MED13: variants seen among roughly 807,000 people sequenced by gnomAD.
MED13 encodes mediator of RNA polymerase II transcription subunit 13.
In MED13, 23 loss-of-function variants were observed where a neutral mutation model predicts 225.2. The observed-to-expected ratio is 0.10, with a 90% CI of 0.07 to 0.14. The LOEUF is 0.14. Ranked by LOEUF, MED13 falls within the 10% of genes least tolerant of loss-of-function variation. The probability of loss-of-function intolerance (pLI) is 1.00; values close to 1 mark genes in which losing one functional copy is unlikely to be tolerated. For missense variants in MED13, 2,197 were observed against 2,594.5 expected (o/e 0.85, Z 3.33); for synonymous variants, 942 against 889.2 (o/e 1.06, Z -1.06).
chr17:61,992,829 C>T (rs1177049579), intron 10 of MED13, among the ~76,000 whole-genome samples: 1 of 140,374 alleles, frequency 7.1e-6, no homozygotes, highest in Non-Finnish European at 1.5e-5. Flanking sequence ...AGTACAGTGG[C>T]ACGATCTCGG....
chr17:61,953,763 G>A (rs2079916725), intron 26 of MED13, among the ~76,000 whole-genome samples: 1 of 152,182 alleles, frequency 6.6e-6, no homozygotes, highest in Non-Finnish European at 1.5e-5. Context: ...AGCAGCAATA[G>A]GAAACTAATA....
At chr17:62,003,049 TG>T (rs1412732883) in intron 9 of MED13, among the ~76,000 whole-genome samples, 10 of 152,150 alleles carry the variant, frequency 6.6e-5, no homozygotes, top group Non-Finnish European at 1.3e-4. Context: ...CATTGGCAAA[TG>T]TTACCTGGGG....
At position 61,945,438 on chromosome 17, in the gene MED13, T is replaced by G. The variant is rs965645795; in HGVS notation, c.*1030A>C. The G allele has an allele frequency of 1.3e-5, 2 of 152,730 alleles. No individual in the cohort carries two copies. Among genetic ancestry groups the G allele is most frequent in the African/African-American group, 2.4e-5 (1 of 41,544 alleles). 9.5% of individuals were successfully genotyped at this position (152,730 alleles called of 1,614,324 possible). ...TGCCACTGTTAAAACTGAAAAAAAT[T>G]TAAGCATGTAACATTAAACACTAAA... On this transcript the variant is annotated 3_prime_UTR_variant, in exon 30 of 30. Coordinates refer to ENST00000397786, the MANE Select transcript of MED13 (RefSeq NM_005121.3).
chr17:61,949,043 C>G lies in MED13; in HGVS notation c.6291+1782G>C, dbSNP rs973400817. ...GCGGAGCTTGCAGTGAGCCGAGATC[C>G]CGCCACTGCACTCCAGCCTGGGCGA... On this transcript the variant is annotated intron_variant, in intron 28 of 29. Transcript: ENST00000397786. Among the ~76,000 whole-genome samples the G allele has an allele frequency of 3.2e-3, 488 of 150,670 alleles. 3 individuals are homozygous for G. The highest frequency in any genetic ancestry group is 4.6e-3 in the Non-Finnish European group (312 of 67,536).
intron 17 of MED13, among the ~76,000 whole-genome samples, chr17:61,971,748 A>G (rs1367882517): frequency 6.6e-6 from 1 of 152,130 alleles, no homozygotes; most frequent in Non-Finnish European, 1.5e-5. Context: ...AGCCCGGCCA[A>G]CGTGATGAAA....
At chr17:61,947,351 C>T (rs1156561002) in intron 28 of MED13, among the ~76,000 whole-genome samples, 1 of 152,036 alleles carries the variant, frequency 6.6e-6, no homozygotes, top group Non-Finnish European at 1.5e-5. Flanking sequence ...TTTTTAAGTG[C>T]AAAACTTACT....
chr17:62,033,683 G>A, intron 5 of MED13, 104 bp downstream of exon 5: 2 of 1,078,472 alleles, frequency 1.9e-6, no homozygotes, highest in Admixed American at 2.4e-5. Flanking sequence ...AATCTTTGGT[G>A]TTGAAAGCCA....
chr17:62,028,221 T>C (rs953680741), intron 8 of MED13, among the ~76,000 whole-genome samples: 1 of 151,998 alleles, frequency 6.6e-6, no homozygotes, highest in Non-Finnish European at 1.5e-5. Context: ...TGTGCAGCCA[T>C]AAAAAAAGAA....
intron 2 of MED13, among the ~76,000 whole-genome samples, chr17:62,059,982 CACTTT>C (rs2081025427): frequency 6.6e-6 from 1 of 152,110 alleles, no homozygotes; most frequent in African/African-American, 2.4e-5. Flanking sequence ...TCAATCACTT[CACTTT>C]GATAAATTTT....
chr17:61,961,333 A>G (rs2079997613), intron 22 of MED13, among the ~76,000 whole-genome samples: 1 of 151,820 alleles, frequency 6.6e-6, no homozygotes, highest in Non-Finnish European at 1.5e-5. Flanking sequence ...TTCGAAACCA[A>G]CCTGGCCAAC....
At chr17:62,021,135 G>A (rs921948960) in intron 8 of MED13, among the ~76,000 whole-genome samples, 3 of 150,832 alleles carry the variant, frequency 2.0e-5, no homozygotes, top group East Asian at 3.9e-4. Context: ...TCTTTTCCCC[G>A]CCTTTCCCCT....
chr17:61,987,981 A>C (rs1432183783), intron 11 of MED13, among the ~76,000 whole-genome samples: 1 of 151,778 alleles, frequency 6.6e-6, no homozygotes, highest in Non-Finnish European at 1.5e-5. Flanking sequence ...GGGCTCAAGC[A>C]ATCTGCCCAC....
At chr17:62,033,614 T>C (rs2080776713) in intron 5 of MED13, among the ~76,000 whole-genome samples, 173 bp downstream of exon 5, 4 of 152,224 alleles carry the variant, frequency 2.6e-5, no homozygotes, top group Admixed American at 2.6e-4. Flanking sequence ...AGCAGATACA[T>C]GGAGCCAAAC....
Position 61,965,323 on chromosome 17 carries a change from T to C in MED13, c.4527A>G (p.Ala1509=), listed in dbSNP as rs750419771. 6.2e-6 allele frequency: 10 copies of C among 1,614,138 alleles called. No homozygotes were observed. In the South Asian group the frequency reaches 1.1e-4, roughly 18 times the overall value. ...ANTPSATLAS[A]ASSTMTVTSG... ...AAGTCACTGTCATAGTGCTGCTCGC[T>C]GCAGATGCTAAGGTGGCAGATGGAG... Residue 1509 remains alanine (A), a synonymous_variant, in exon 20 of 30, where the codon GCA becomes GCG. Transcript: ENST00000397786.
At chr17:61,983,263 A>G in intron 15 of MED13, 149 bp from the exon 16 acceptor site, 1 of 669,196 alleles carries the variant, frequency 1.5e-6, no homozygotes, top group Non-Finnish European at 2.4e-6. Flanking sequence ...AGCACAGTCA[A>G]TTCTTATTTC....
At position 62,010,559 on chromosome 17, in the gene MED13, G is replaced by A; in HGVS notation, c.1958C>T (p.Ser653Leu). The A allele has an allele frequency of 6.9e-7, 1 of 1,453,914 alleles. No homozygotes were observed. Among genetic ancestry groups the A allele is most frequent in the Non-Finnish European group, 9.1e-7 (1 of 1,099,654 alleles). The allele number at this position is 1,453,914 out of a possible 1,614,324, so 90.1% of individuals were successfully genotyped here. A position where few individuals can be genotyped will look rare whatever the true frequency, so the allele number is the denominator to read the frequency against. The change falls in exon 9 of 30, where the codon TCA becomes TTA. Residue 653 changes from serine to leucine, a missense_variant. Around this residue, in one of 12 missense-constraint regions of MED13, gnomAD observed 884 missense variants for 918.5 expected, o/e 0.96. Transcript: ENST00000397786. ...TAAAAAAAATACATACTCTGTAACT[G>A]ATGTTACACTTTCCTGTCCAAAAGG... The part of the protein sequence containing the change: ...VGPFGQESVT[S>L]VTELMVQCKK...
At chr17:62,042,554 T>C (rs73336436) in intron 3 of MED13, among the ~76,000 whole-genome samples, 22,493 of 122,042 alleles carry the variant, frequency 0.18, 2,200 homozygotes, top group East Asian at 0.51. Context: ...GAGCAAGGTT[T>C]CATCTCAAAA....
At chr17:62,038,471 T>A (rs2080825364) in intron 3 of MED13, among the ~76,000 whole-genome samples, 1 of 152,164 alleles carries the variant, frequency 6.6e-6, no homozygotes, top group African/African-American at 2.4e-5. Context: ...TAAAAGATTT[T>A]AAAAATTATT....
At position 61,980,626 on chromosome 17, in the gene MED13, C is replaced by T. The variant is rs900511405; in HGVS notation, c.3805+1572G>A. ...AACCTAAAACCTATTACTTACATCT[C>T]GCTGGCCTCTTATCTTGTCTAAGCT... On this transcript the variant is annotated intron_variant, in intron 16 of 29. Transcript: ENST00000397786. Among the ~76,000 whole-genome samples the T allele has an allele frequency of 1.2e-4, 18 of 152,246 alleles. No homozygotes were observed. The South Asian group carries it at 1.9e-3, about 16-fold the overall frequency.
Sources: gnomAD v4.1 joint callset for allele counts (sites outside exome capture counted in the v4.1 genomes callset) on GRCh38, gnomAD v4.1.1 for gene constraint, gnomAD v4.1.1 regional missense constraint, MANE v1.5 for transcripts, NCBI Gene and HGNC (gene_info 2026-07-23, HGNC 2026-07-21) for gene names.